The following DNAH10 variants were observed in gnomAD, a reference collection of about 807,000 sequenced individuals.
The protein encoded by DNAH10 is axonemal beta dynein heavy chain 10.
In DNAH10, 348 loss-of-function variants were observed where a neutral mutation model predicts 506.6. That is an observed-to-expected ratio of 0.69 (90% CI 0.63 to 0.75). The LOEUF is 0.75. Among genes scored for constraint, DNAH10 ranks in the 30% least tolerant of loss-of-function variants. The pLI, the probability that DNAH10 is intolerant of heterozygous loss-of-function variation, is 0.00. For synonymous variants in DNAH10, 2,059 were observed against 2,198.6 expected, an observed-to-expected ratio of 0.94 and a Z score of 1.78; for missense variants, 5,179 against 5,787.1, an observed-to-expected ratio of 0.89 and a Z score of 3.41.
intron 27 of DNAH10, among the ~76,000 whole-genome samples, chr12:123,835,086 T>C (rs1248920726): frequency 6.6e-6 from 1 of 152,236 alleles, no homozygotes; most frequent in African/African-American, 2.4e-5. Context: ...TTTGAGTGTC[T>C]GGCATGGCCT....
At chr12:123,929,136 C>T in intron 70 of DNAH10, 139 bp from the exon 71 acceptor site, 2 of 866,160 alleles carry the variant, frequency 2.3e-6, no homozygotes, top group Middle Eastern at 3.2e-4. Flanking sequence ...GGGCCCTGGA[C>T]AAGAGACTTT....
intron 21 of DNAH10, among the ~76,000 whole-genome samples, chr12:123,818,525 T>C (rs1959183837): frequency 6.6e-6 from 1 of 151,550 alleles, no homozygotes; most frequent in Non-Finnish European, 1.5e-5. Flanking sequence ...GATTTCACCA[T>C]GTTGTCCAGG....
chr12:123,913,831 G>A lies in DNAH10; in HGVS notation c.10353-498G>A, dbSNP rs1954342106. ...TTTTGAATCTAGCATCTGTAAGTGT[G>A]GTGTAGAAAACACTGAAAAATGTTG... On this transcript the variant is annotated intron_variant, in intron 60 of 78. Coordinates refer to ENST00000673944, the MANE Select transcript of DNAH10 (RefSeq NM_001372106.1). The surrounding 1 kb of genome is among the most constrained non-coding windows in gnomAD (Gnocchi z 5.1). Among the ~76,000 whole-genome samples, 1 of 152,182 alleles carries A rather than the reference G, an allele frequency of 6.6e-6. No individual in the cohort carries two copies. Among genetic ancestry groups the A allele is most frequent in the Non-Finnish European group, 1.5e-5 (1 of 68,034 alleles).
chr12:123,799,075 A>C (rs994652871), intron 13 of DNAH10, among the ~76,000 whole-genome samples, 171 bp from the exon 14 acceptor site: 23 of 147,708 alleles, frequency 1.6e-4, no homozygotes, highest in African/African-American at 5.7e-4. Context: ...ACTACACTCC[A>C]GCCTGGGCGA....
intron 56 of DNAH10, among the ~76,000 whole-genome samples, chr12:123,901,714 G>C (rs1953529128): frequency 6.6e-6 from 1 of 152,180 alleles, no homozygotes; most frequent in South Asian, 2.1e-4. Flanking sequence ...AGGCTGGAGT[G>C]CAGTGGCGCG....
At chr12:123,868,224 G>T (rs1044324040) in intron 43 of DNAH10, 105 bp downstream of exon 43, 1 of 1,056,310 alleles carries the variant, frequency 9.5e-7, no homozygotes, top group Non-Finnish European at 1.3e-6. Context: ...GAGTTTTCCA[G>T]ATTGTTTGCT....
intron 77 of DNAH10, among the ~76,000 whole-genome samples, 188 bp downstream of exon 77, chr12:123,933,699 G>A (rs961481342): frequency 3.3e-5 from 5 of 152,190 alleles, no homozygotes; most frequent in Admixed American, 2.0e-4. Flanking sequence ...GGGTGGATAC[G>A]GAAGTTTCTC....
chr12:123,778,800 C>T (rs1380935653), intron 5 of DNAH10, among the ~76,000 whole-genome samples: 1 of 152,186 alleles, frequency 6.6e-6, no homozygotes, highest in African/African-American at 2.4e-5. Flanking sequence ...TGCAGTGGCA[C>T]AATCACATCT....
At chr12:123,885,116 A>G (rs934994307) in intron 51 of DNAH10, among the ~76,000 whole-genome samples, 1 of 152,236 alleles carries the variant, frequency 6.6e-6, no homozygotes, top group Non-Finnish European at 1.5e-5. Flanking sequence ...TAAGTTGAGG[A>G]GTGTGCTGAA....
At position 123,902,993 on chromosome 12, in the gene DNAH10, A is replaced by G; in HGVS notation, c.9695A>G (p.Asn3232Ser). 6.3e-7 allele frequency: 1 copy of G among 1,597,948 alleles called. No individual in the cohort carries two copies. The change falls in exon 57 of 79, where the codon AAC becomes AGC. Residue 3232 changes from asparagine to serine, a missense_variant. Physicochemically the swap from Asn to Ser is conservative, Grantham distance 46. This residue lies in a region of DNAH10 where 4,844 missense variants were observed against 5,430.5 expected (regional missense o/e 0.89). Transcript: ENST00000673944. This position sits in a 1 kb window ranked among gnomAD's most constrained non-coding sequence, Gnocchi z 4.5. ...EEKAMEIEEQNKVIAMEKAEA... is the reference protein window; with the variant it reads ...EEKAMEIEEQSKVIAMEKAEA... Reference sequence around the variant, plus strand: ...AAGGCCATGGAGATAGAGGAGCAGAACAAAGTCATTGCCATGGAGAAGGCC... The same window carrying G: ...AAGGCCATGGAGATAGAGGAGCAGAGCAAAGTCATTGCCATGGAGAAGGCC...
At chr12:123,813,114 C>A in intron 19 of DNAH10, 50 bp from the exon 20 acceptor site, 1 of 1,437,646 alleles carries the variant, frequency 7.0e-7, no homozygotes, top group Non-Finnish European at 9.5e-7. Flanking sequence ...ACGTTGGAGG[C>A]AAAATAGATA....
chr12:123,786,049 G>C, intron 9 of DNAH10, 113 bp downstream of exon 9: 8 of 1,224,288 alleles, frequency 6.5e-6, no homozygotes, highest in Non-Finnish European at 8.9e-6. Context: ...TACTTAAAAT[G>C]TACAATTCAC....
rs564621521 is a variant in DNAH10, at chr12:123,805,041, G to C, written c.2987+1G>C. On this transcript the variant is annotated splice_donor_variant, in intron 18 of 78. Coordinates refer to ENST00000673944, the MANE Select transcript of DNAH10 (RefSeq NM_001372106.1). LOFTEE classifies it high-confidence loss of function. ...AGGTCCTGACAAAGCTCATCCTGAAGTAAGTTCATCTTGTTGCATGCTTTA... is the reference window on the plus strand; with the variant it reads ...AGGTCCTGACAAAGCTCATCCTGAACTAAGTTCATCTTGTTGCATGCTTTA... The C allele has an allele frequency of 9.3e-6, 15 of 1,613,912 alleles. No homozygotes were observed. Among genetic ancestry groups the C allele is most frequent in the Non-Finnish European group, 1.3e-5 (15 of 1,179,938 alleles).
chr12:123,924,993 T>G, intron 67 of DNAH10, 57 bp from the exon 68 acceptor site: 1 of 1,599,016 alleles, frequency 6.3e-7, no homozygotes, highest in Non-Finnish European at 8.5e-7. Flanking sequence ...CACACATAAA[T>G]GGGGACCTAT....
chr12:123,800,006 G>T (rs1382638456), intron 14 of DNAH10, among the ~76,000 whole-genome samples: 1 of 152,148 alleles, frequency 6.6e-6, no homozygotes, highest in Non-Finnish European at 1.5e-5. Flanking sequence ...AGGTGAAATT[G>T]CTCCATTTTC....
chr12:123,768,429 C>G (rs1957130986), intron 2 of DNAH10, among the ~76,000 whole-genome samples: 1 of 152,114 alleles, frequency 6.6e-6, no homozygotes, highest in Non-Finnish European at 1.5e-5. Context: ...GCCACCATAC[C>G]CGGCCGTCCT....
At chr12:123,798,212 C>T (rs573381274) in intron 13 of DNAH10, among the ~76,000 whole-genome samples, 2 of 152,300 alleles carry the variant, frequency 1.3e-5, no homozygotes, top group South Asian at 2.1e-4. Context: ...AAGTTATCAA[C>T]TATATTAGTC....
chr12:123,878,231 T>A (rs1254222173), intron 48 of DNAH10, among the ~76,000 whole-genome samples: 1 of 152,228 alleles, frequency 6.6e-6, no homozygotes, highest in African/African-American at 2.4e-5. Flanking sequence ...CTCACATAAC[T>A]CAGTCGTTGC....
At chr12:123,876,143 A>G (rs1310503122) in intron 47 of DNAH10, among the ~76,000 whole-genome samples, 1 of 152,144 alleles carries the variant, frequency 6.6e-6, no homozygotes, top group Non-Finnish European at 1.5e-5. Context: ...CAGGTGGGTA[A>G]GATAAAGGTG....
Sources: gnomAD v4.1 joint callset for allele counts (sites outside exome capture counted in the v4.1 genomes callset) on GRCh38, gnomAD v4.1.1 for gene constraint, gnomAD v4.1.1 regional missense constraint, Gnocchi (gnomAD v3.1) non-coding constraint, MANE v1.5 for transcripts, NCBI Gene and HGNC (gene_info 2026-07-23, HGNC 2026-07-21) for gene names.